The following PLEKHH2 variants were observed in gnomAD, a reference collection of about 807,000 sequenced individuals.
PLEKHH2 encodes the protein pleckstrin homology domain-containing family H member 2.
PLEKHH2 carries 129 observed loss-of-function variants against 187.9 expected under a neutral mutation model. The ratio of observed to expected loss-of-function variants is 0.69; its 90% CI spans 0.59 to 0.79. The LOEUF (loss-of-function observed/expected upper bound fraction) is 0.79, where lower values mean the gene tolerates loss of function less well. PLEKHH2 is among the 30% of genes least tolerant of loss of function. PLEKHH2 has a pLI of 0.00. For missense variants in PLEKHH2, 2,076 were observed against 1,751.2 expected, an observed-to-expected ratio of 1.19 and a Z score of -3.31; for synonymous variants, 686 against 605.6, an observed-to-expected ratio of 1.13 and a Z score of -1.95.
At chr2:43,670,261 T>C (rs983423983) in intron 2 of PLEKHH2, among the ~76,000 whole-genome samples, 1 of 152,208 alleles carries the variant, frequency 6.6e-6, no homozygotes, top group African/African-American at 2.4e-5. Context: ...AAAGCACATA[T>C]GATCCAAGGA....
At chr2:43,757,869 C>T (rs985887941) in intron 26 of PLEKHH2, among the ~76,000 whole-genome samples, 3 of 151,576 alleles carry the variant, frequency 2.0e-5, no homozygotes, top group Admixed American at 6.6e-5. Context: ...AAAAATTGGC[C>T]AATAATATGT....
intron 15 of PLEKHH2, among the ~76,000 whole-genome samples, chr2:43,715,853 G>C (rs1670185676): frequency 6.6e-6 from 1 of 152,148 alleles, no homozygotes; most frequent in Non-Finnish European, 1.5e-5. Flanking sequence ...GGCTGGATTG[G>C]AGAGAAGGAT....
rs1338803233 is a variant in PLEKHH2 at position 43,719,221 on chromosome 2, A to G, written c.2461-1448A>G. Among the ~76,000 whole-genome samples the G allele has an allele frequency of 2.0e-5, 3 of 152,178 alleles. No homozygotes were observed. The East Asian group carries it at 5.8e-4, about 29-fold the overall frequency. On this transcript the variant is annotated intron_variant, in intron 15 of 29. Coordinates refer to ENST00000282406, the MANE Select transcript of PLEKHH2 (RefSeq NM_172069.4). ...TCAAATCTGTTACTCCAGGGCCTAT[A>G]TCACTTACTGACTATTCAAAGTTAA...
At position 43,704,092 on chromosome 2, in the gene PLEKHH2, T is replaced by C. The variant is rs776238995; in HGVS notation, c.1726+36T>C. On this transcript the variant is annotated intron_variant, in intron 9 of 29. Transcript: ENST00000282406. ...TTTCATGCTGCCACCTGGATGAACCTTGAGGACTTTGTGCTAAGGGATAGT... is the reference window on the plus strand; with the variant it reads ...TTTCATGCTGCCACCTGGATGAACCCTGAGGACTTTGTGCTAAGGGATAGT... 4.9e-6 allele frequency: 7 copies of C among 1,415,196 alleles called. No homozygotes were observed. The East Asian group carries it at 1.6e-4, about 32-fold the overall frequency. The allele number at this position is 1,415,196 out of a possible 1,614,324, so 87.7% of individuals were successfully genotyped here. A position where few individuals can be genotyped will look rare whatever the true frequency, so the allele number is the denominator to read the frequency against.
chr2:43,694,897 G>A (rs1029561094), intron 5 of PLEKHH2, among the ~76,000 whole-genome samples: 3 of 151,978 alleles, frequency 2.0e-5, no homozygotes, highest in Non-Finnish European at 4.4e-5. Context: ...ATTTTACAGT[G>A]GAAAAGGCAT....
chr2:43,667,172 G>GTCT (rs34306135), intron 2 of PLEKHH2, among the ~76,000 whole-genome samples: 7,565 of 152,198 alleles, frequency 0.05, 298 homozygotes, highest in African/African-American at 0.11. Flanking sequence ...TAAAGGAAAT[G>GTCT]TCATGTGGCT....
intron 8 of PLEKHH2, among the ~76,000 whole-genome samples, chr2:43,701,282 C>T (rs1347158417): frequency 6.6e-6 from 1 of 152,214 alleles, no homozygotes; most frequent in African/African-American, 2.4e-5. Context: ...TTCCTGCAGG[C>T]AGCTACTTCT....
At position 43,710,025 on chromosome 2, in the gene PLEKHH2, T is replaced by A; in HGVS notation, c.2002T>A (p.Tyr668Asn). Residue 668 changes from tyrosine (Y) to asparagine (N), a missense_variant, in exon 12 of 30, where the codon TAT (tyrosine) becomes AAT (asparagine). Physicochemically the swap from Tyr to Asn is moderately radical, Grantham distance 143. Coordinates refer to ENST00000282406, the MANE Select transcript of PLEKHH2 (RefSeq NM_172069.4). The part of the protein sequence containing the change: ...SLSSVASESD[Y>N]AIPPDAYSTD... ...CTCCTCTGTGGCTTCTGAAAGTGAT[T>A]ATGCTATTCCTCCTGATGCTTACTC... 6.2e-7 allele frequency: 1 copy of A among 1,613,014 alleles called. No individual in the cohort carries two copies. Among genetic ancestry groups the A allele is most frequent in the Non-Finnish European group, 8.5e-7 (1 of 1,179,328 alleles).
chr2:43,740,070 G>A (rs377234389), intron 20 of PLEKHH2, among the ~76,000 whole-genome samples: 11 of 152,098 alleles, frequency 7.2e-5, no homozygotes, highest in South Asian at 2.1e-4. Flanking sequence ...TTAATATAAC[G>A]TTTTAAAAAT....
intron 19 of PLEKHH2, among the ~76,000 whole-genome samples, chr2:43,732,971 C>T (rs59568205): frequency 0.14 from 21,889 of 152,060 alleles, 2,630 homozygotes; most frequent in African/African-American, 0.33. Context: ...TGGTCACATC[C>T]CCCTCAAACT....
At chr2:43,639,342 T>G (rs1424452970) in intron 1 of PLEKHH2, among the ~76,000 whole-genome samples, 1 of 152,210 alleles carries the variant, frequency 6.6e-6, no homozygotes, top group Non-Finnish European at 1.5e-5. Context: ...TTCACAAGGT[T>G]GTATAGCCAT....
At chr2:43,688,490 A>T (rs1436255098) in intron 3 of PLEKHH2, among the ~76,000 whole-genome samples, 1 of 152,226 alleles carries the variant, frequency 6.6e-6, no homozygotes, top group Non-Finnish European at 1.5e-5. Flanking sequence ...TGTATAGTGG[A>T]CAGGAATGAG....
intron 2 of PLEKHH2, among the ~76,000 whole-genome samples, chr2:43,646,294 A>G (rs968730886): frequency 6.6e-6 from 1 of 152,146 alleles, no homozygotes; most frequent in Non-Finnish European, 1.5e-5. Context: ...ATCATTTTCC[A>G]TGTTGTACTA....
chr2:43,754,861 A>G (rs1233495941), intron 25 of PLEKHH2, among the ~76,000 whole-genome samples: 1 of 146,124 alleles, frequency 6.8e-6, no homozygotes, highest in African/African-American at 2.6e-5. Flanking sequence ...TGGGCTCCTT[A>G]AAATCAACTT....
intron 15 of PLEKHH2, 24 bp from the exon 16 acceptor site, chr2:43,720,645 T>C: frequency 6.2e-7 from 1 of 1,606,082 alleles, no homozygotes; most frequent in Non-Finnish European, 8.5e-7. Context: ...GCTAAACTTG[T>C]AATTCATTGA....
intron 15 of PLEKHH2, among the ~76,000 whole-genome samples, chr2:43,713,415 T>G (rs977914082): frequency 1.3e-5 from 2 of 152,020 alleles, no homozygotes; most frequent in Non-Finnish European, 1.5e-5. Context: ...TCAAATTAGA[T>G]GTAGGGTAAG....
chr2:43,686,108 C>A (rs187027914), intron 3 of PLEKHH2, among the ~76,000 whole-genome samples: 47 of 152,014 alleles, frequency 3.1e-4, no homozygotes, highest in Admixed American at 9.9e-4. Flanking sequence ...GTTAGTTCTT[C>A]TTCTTCTTCC....
intron 2 of PLEKHH2, among the ~76,000 whole-genome samples, chr2:43,649,884 T>C (rs1666379401): frequency 6.6e-6 from 1 of 152,082 alleles, no homozygotes. Flanking sequence ...AATTAACCAA[T>C]CCATTAAACA....
At chr2:43,726,506 T>A in intron 17 of PLEKHH2, 55 bp downstream of exon 17, 1 of 1,439,572 alleles carries the variant, frequency 6.9e-7, no homozygotes. Flanking sequence ...ATTATTCAGA[T>A]ATTGGTAATA....
Sources: allele counts gnomAD v4.1 joint callset (sites outside exome capture counted in the v4.1 genomes callset), GRCh38; gene constraint gnomAD v4.1.1; transcripts MANE v1.5; gene names NCBI Gene and HGNC (gene_info 2026-07-23, HGNC 2026-07-21).